The following STRN variants were observed in gnomAD, a reference collection of about 807,000 sequenced individuals.
The protein encoded by STRN is striatin.
In STRN, 53 loss-of-function variants were observed where a neutral mutation model predicts 96.3. The ratio of observed to expected loss-of-function variants is 0.55; its 90% confidence interval spans 0.44 to 0.69. The LOEUF (loss-of-function observed/expected upper bound fraction) is 0.69, where lower values mean the gene tolerates loss of function less well. Ranked by LOEUF, STRN falls within the 30% of genes least tolerant of loss-of-function variation. STRN has a pLI of 0.00. For synonymous variants in STRN, 428 were observed against 355.9 expected (o/e 1.20, Z -2.28); for missense variants, 987 against 963.9 (o/e 1.02, Z -0.32).
At chr2:36,939,894 G>T (rs1395717064) in intron 1 of STRN, among the ~76,000 whole-genome samples, 1 of 152,118 alleles carries the variant, frequency 6.6e-6, no homozygotes, top group East Asian at 1.9e-4. Context: ...AGGACAAAAA[G>T]GAATAATCCT....
chr2:36,954,372 T>C (rs962103732), intron 1 of STRN, among the ~76,000 whole-genome samples: 62 of 151,558 alleles, frequency 4.1e-4, no homozygotes, highest in African/African-American at 1.5e-3. Context: ...ATTAATTAGG[T>C]GTGGTGATGG....
intron 12 of STRN, among the ~76,000 whole-genome samples, chr2:36,864,400 C>T (rs1668569252): frequency 6.6e-6 from 1 of 152,174 alleles, no homozygotes; most frequent in South Asian, 2.1e-4. Flanking sequence ...TTTTCTGCAT[C>T]TGTTGAGATG....
At chr2:36,959,305 T>C (rs1455356404) in intron 1 of STRN, among the ~76,000 whole-genome samples, 1 of 152,190 alleles carries the variant, frequency 6.6e-6, no homozygotes, top group Non-Finnish European at 1.5e-5. Flanking sequence ...CCTCAGAAGG[T>C]TGTACAGTTT....
intron 1 of STRN, among the ~76,000 whole-genome samples, chr2:36,945,509 T>C (rs1670957099): frequency 6.6e-6 from 1 of 151,920 alleles, no homozygotes. Context: ...CAACTAAAAA[T>C]ACAAAAAATT....
chr2:36,893,359 G>A (rs1207610952), intron 7 of STRN, among the ~76,000 whole-genome samples: 3 of 151,730 alleles, frequency 2.0e-5, no homozygotes, highest in Non-Finnish European at 2.9e-5. Flanking sequence ...AAAATTAAAT[G>A]ACCTTTTTTT....
At chr2:36,945,422 C>A (rs935014308) in intron 1 of STRN, among the ~76,000 whole-genome samples, 4 of 152,174 alleles carry the variant, frequency 2.6e-5, no homozygotes, top group Non-Finnish European at 1.5e-5. Flanking sequence ...AATCCCAGCA[C>A]TTTGGGAGGC....
At chr2:36,858,045 C>T (rs2148133432) in intron 13 of STRN, 22 bp from the exon 14 acceptor site, 1 of 1,527,044 alleles carries the variant, frequency 6.5e-7, no homozygotes, top group Non-Finnish European at 8.8e-7. Flanking sequence ...AGTAAAAATG[C>T]AAAATCAGGA....
chr2:36,890,695 G>A (rs1331245746), intron 7 of STRN, among the ~76,000 whole-genome samples: 1 of 151,972 alleles, frequency 6.6e-6, no homozygotes, highest in Non-Finnish European at 1.5e-5. Context: ...GGTTAGCCAG[G>A]CTAGTCTCAA....
At chr2:36,875,974 A>G (rs1482972879) in intron 10 of STRN, among the ~76,000 whole-genome samples, 1 of 152,028 alleles carries the variant, frequency 6.6e-6, no homozygotes, top group African/African-American at 2.4e-5. Flanking sequence ...ATTTTTTTTA[A>G]ATCTTTATCA....
At position 36,961,472 on chromosome 2, in the gene STRN, C is replaced by T. The variant is rs80092419; in HGVS notation, c.234+4758G>A. Among the ~76,000 whole-genome samples the T allele has an allele frequency of 9.4e-3, 1,426 of 152,108 alleles. 26 individuals carry two copies. Among genetic ancestry groups the T allele is most frequent in the African/African-American group, 0.033 (1,366 of 41,492 alleles). On this transcript the variant is annotated intron_variant, in intron 1 of 17. Transcript: ENST00000263918. Reference sequence around the variant, plus strand: ...ATCTTTGACTCCCCTTTTTCTCAAACCCCACATTCTATCCTTTAGCACATC... The same window carrying T: ...ATCTTTGACTCCCCTTTTTCTCAAATCCCACATTCTATCCTTTAGCACATC...
chr2:36,927,972 G>A (rs530325067), intron 1 of STRN, among the ~76,000 whole-genome samples: 2 of 152,202 alleles, frequency 1.3e-5, no homozygotes, highest in South Asian at 2.1e-4. Context: ...ACCACCTAAA[G>A]GAGACTGGTT....
intron 1 of STRN, among the ~76,000 whole-genome samples, chr2:36,954,611 G>C (rs1166079580): frequency 6.7e-6 from 1 of 148,918 alleles, no homozygotes; most frequent in East Asian, 2.0e-4. Context: ...AAAAATAAAA[G>C]TATTTAAGGA....
At chr2:36,901,378 G>A (rs776447319) in intron 5 of STRN, among the ~76,000 whole-genome samples, 10 of 151,748 alleles carry the variant, frequency 6.6e-5, no homozygotes, top group Non-Finnish European at 1.2e-4. Flanking sequence ...TGGTGAAACC[G>A]CATCTCTACT....
intron 7 of STRN, among the ~76,000 whole-genome samples, chr2:36,889,632 G>T (rs1352366720): frequency 9.8e-6 from 1 of 102,276 alleles, no homozygotes; most frequent in South Asian, 3.8e-4. Flanking sequence ...GGGGGTGGGG[G>T]GGAGTAGAGT....
chr2:36,923,703 T>C (rs535469335), intron 2 of STRN, among the ~76,000 whole-genome samples: 2 of 152,150 alleles, frequency 1.3e-5, no homozygotes, highest in Non-Finnish European at 2.9e-5. Flanking sequence ...TCTAATTGCA[T>C]CTAAATGCTA....
At chr2:36,895,295 C>T (rs1324332863) in intron 6 of STRN, among the ~76,000 whole-genome samples, 3 of 151,448 alleles carry the variant, frequency 2.0e-5, no homozygotes, top group African/African-American at 7.3e-5. Flanking sequence ...CCACTGCACT[C>T]CAGCCTGGGC....
chr2:36,954,026 A>G (rs1033139741), intron 1 of STRN, among the ~76,000 whole-genome samples: 1 of 152,146 alleles, frequency 6.6e-6, no homozygotes, highest in Admixed American at 6.5e-5. Flanking sequence ...ATAAAAATTA[A>G]AAATAAACTA....
intron 7 of STRN, among the ~76,000 whole-genome samples, chr2:36,888,128 T>C (rs1044223274): frequency 6.6e-6 from 1 of 152,166 alleles, no homozygotes; most frequent in African/African-American, 2.4e-5. Flanking sequence ...ATAAAATATA[T>C]CAGGGAAAAC....
At chr2:36,853,571 A>G (rs1668272161) in intron 15 of STRN, among the ~76,000 whole-genome samples, 1 of 152,226 alleles carries the variant, frequency 6.6e-6, no homozygotes. Flanking sequence ...ACTCATACCT[A>G]GCTTGTGACG....
Sources: allele counts gnomAD v4.1 joint callset (sites outside exome capture counted in the v4.1 genomes callset), GRCh38; gene constraint gnomAD v4.1.1; transcripts MANE v1.5; gene names NCBI Gene and HGNC (gene_info 2026-07-23, HGNC 2026-07-21).